The following GPHN variants were observed in gnomAD, a reference collection of about 807,000 sequenced individuals.
The protein encoded by GPHN is gephyrin.
In GPHN, 17 loss-of-function variants were observed where a neutral mutation model predicts 95.5. The observed-to-expected ratio is 0.18, with a 90% CI of 0.12 to 0.27. The LOEUF (loss-of-function observed/expected upper bound fraction) is 0.27, where lower values mean the gene tolerates loss of function less well. GPHN is among the 10% of genes least tolerant of loss of function. The pLI, the probability that GPHN is intolerant of heterozygous loss-of-function variation, is 1.00. For missense variants in GPHN, 660 were observed against 978.1 expected (o/e 0.67, Z 4.34); for synonymous variants, 320 against 322.5 (o/e 0.99, Z 0.08).
chr14:67,219,611 G>T, the GPHN span, among the ~76,000 whole-genome samples: 2 of 152,056 alleles, frequency 1.3e-5, no homozygotes, highest in Admixed American at 1.3e-4. Context: ...GATGAAAAAG[G>T]CTCAGCAGGT....
intron 1 of GPHN, among the ~76,000 whole-genome samples, chr14:66,564,219 A>T (rs2060371642): frequency 6.6e-6 from 1 of 152,128 alleles, no homozygotes; most frequent in Admixed American, 6.6e-5. Context: ...AAATGTATTT[A>T]AAAATTTGGA....
chr14:67,685,227 G>A, the GPHN span: 2 of 1,602,772 alleles, frequency 1.2e-6, no homozygotes, highest in Admixed American at 1.7e-5. Context: ...GGCATGAAGA[G>A]AGGGTAAGAC....
intron 2 of GPHN, among the ~76,000 whole-genome samples, chr14:66,696,084 G>GA (rs1159612941): frequency 6.6e-6 from 1 of 152,178 alleles, no homozygotes; most frequent in Non-Finnish European, 1.5e-5. Flanking sequence ...TTGATAATGG[G>GA]AGAAGCTATG....
the GPHN span, among the ~76,000 whole-genome samples, chr14:67,603,802 C>T: frequency 6.6e-6 from 1 of 152,196 alleles, no homozygotes; most frequent in Non-Finnish European, 1.5e-5. Context: ...TGAGGTCAGC[C>T]TCCCAAGTAG....
intron 9 of GPHN, among the ~76,000 whole-genome samples, chr14:66,987,849 G>A (rs576917174): frequency 2.6e-5 from 4 of 152,184 alleles, no homozygotes; most frequent in African/African-American, 7.2e-5. Context: ...AATGTATAAT[G>A]CTATGATCTT....
intron 1 of GPHN, among the ~76,000 whole-genome samples, chr14:66,626,746 T>A (rs1255561984): frequency 2.0e-5 from 3 of 152,076 alleles, no homozygotes; most frequent in Admixed American, 2.0e-4. Context: ...TTTTTGTAGT[T>A]AAGAAGATAG....
At chr14:66,617,620 G>A (rs187929119) in intron 1 of GPHN, among the ~76,000 whole-genome samples, 2 of 152,216 alleles carry the variant, frequency 1.3e-5, no homozygotes, top group East Asian at 3.9e-4. Flanking sequence ...TTTTCAATGG[G>A]AGCCTCCGAA....
At chr14:67,162,951 T>G (rs1411514956) in intron 19 of GPHN, among the ~76,000 whole-genome samples, 1 of 152,192 alleles carries the variant, frequency 6.6e-6, no homozygotes, top group Non-Finnish European at 1.5e-5. Flanking sequence ...ATTGTTACCT[T>G]ATAAGCTTGT....
the GPHN span, among the ~76,000 whole-genome samples, chr14:67,502,943 T>C: frequency 6.6e-6 from 1 of 152,136 alleles, no homozygotes; most frequent in Non-Finnish European, 1.5e-5. Context: ...GGAGACAATA[T>C]GGTAAGCAAA....
the GPHN span, among the ~76,000 whole-genome samples, chr14:67,226,248 G>C: frequency 6.6e-6 from 1 of 152,116 alleles, no homozygotes; most frequent in Non-Finnish European, 1.5e-5. Context: ...CTGGAGTGCA[G>C]TGGCGCAATC....
the GPHN span, among the ~76,000 whole-genome samples, chr14:67,503,087 T>G: frequency 6.6e-6 from 1 of 152,258 alleles, no homozygotes; most frequent in African/African-American, 2.4e-5. Context: ...AACAAGCAGA[T>G]AGTGGCGCTG....
chr14:66,619,898 A>G (rs1047144138), intron 1 of GPHN, among the ~76,000 whole-genome samples: 3 of 152,180 alleles, frequency 2.0e-5, no homozygotes, highest in Non-Finnish European at 2.9e-5. Flanking sequence ...TTGGGGAGCA[A>G]ATAGGGTCCT....
At chr14:67,726,908 T>A in the GPHN span, 2 of 1,344,392 alleles carry the variant, frequency 1.5e-6, no homozygotes, top group Non-Finnish European at 2.1e-6. Context: ...AACACTGAAG[T>A]CCTCTTGGCT....
intron 3 of GPHN, among the ~76,000 whole-genome samples, chr14:66,793,543 G>A (rs1164645766): frequency 6.6e-6 from 1 of 151,900 alleles, no homozygotes; most frequent in East Asian, 1.9e-4. Context: ...TCTTTTGTTG[G>A]GTTTTGAGTG....
chr14:66,623,237 A>G (rs1458232225), intron 1 of GPHN, among the ~76,000 whole-genome samples: 2 of 152,078 alleles, frequency 1.3e-5, no homozygotes, highest in East Asian at 3.9e-4. Context: ...CATGAGACTC[A>G]TTCACTATAA....
At chr14:67,674,807 T>A in the GPHN span, 1 of 238,866 alleles carries the variant, frequency 4.2e-6, no homozygotes, top group East Asian at 7.9e-5. Flanking sequence ...CGGGTCCGGG[T>A]TGGGGAAAGG....
At chr14:67,147,681 C>G (rs1290298127) in intron 18 of GPHN, among the ~76,000 whole-genome samples, 2 of 152,076 alleles carry the variant, frequency 1.3e-5, no homozygotes, top group African/African-American at 4.8e-5. Context: ...GGATTATAGG[C>G]GTGAACCACC....
At chr14:66,513,986 A>T (rs967965898) in intron 1 of GPHN, among the ~76,000 whole-genome samples, 1 of 151,916 alleles carries the variant, frequency 6.6e-6, no homozygotes, top group African/African-American at 2.4e-5. Context: ...TTAATTTGAA[A>T]AATAAAGCAG....
chr14:66,585,094 ACTT>A lies in GPHN; in HGVS notation c.64+76510_64+76512del, dbSNP rs201770002. Among the ~76,000 whole-genome samples, 79 of 152,092 alleles carry A rather than the reference ACTT, an allele frequency of 5.2e-4. No homozygotes were observed. The East Asian group carries it at 0.012, about 22-fold the overall frequency. On this transcript the variant is annotated intron_variant, in intron 1 of 22. Coordinates refer to ENST00000478722, the MANE Select transcript of GPHN (RefSeq NM_020806.5). ...TGTTATTGGTCTATTCAGAGATTCA[ACTT>A]CTTCTTGATTTAGTCTTGGGAGGGT...
Sources: allele counts gnomAD v4.1 joint callset (sites outside exome capture counted in the v4.1 genomes callset), GRCh38; gene constraint gnomAD v4.1.1; transcripts MANE v1.5; gene names NCBI Gene and HGNC (gene_info 2026-07-23, HGNC 2026-07-21).